Variants in MDGA2 observed in about 807,000 individuals in gnomAD.
The protein encoded by MDGA2 is MAM domain containing glycosylphosphatidylinositol anchor 2.
A neutral mutation model predicts 117.8 loss-of-function variants in MDGA2; 40 were observed. The ratio of observed to expected loss-of-function variants is 0.34; its 90% CI spans 0.26 to 0.44. The LOEUF (loss-of-function observed/expected upper bound fraction) is 0.44. Ranked by LOEUF, MDGA2 falls within the 20% of genes least tolerant of loss-of-function variation. MDGA2 has a pLI of 1.00. For synonymous variants in MDGA2, 452 were observed against 439.0 expected (o/e 1.03, Z -0.37); for missense variants, 1,123 against 1,250.6 (o/e 0.90, Z 1.54).
intron 10 of MDGA2, among the ~76,000 whole-genome samples, chr14:46,900,170 C>T (rs1883230389): frequency 6.6e-6 from 1 of 152,076 alleles, no homozygotes; most frequent in African/African-American, 2.4e-5. Flanking sequence ...TATGACTACA[C>T]ACCTATCAGG....
In MDGA2 at chr14:47,469,615, C is replaced by T. The variant is rs1272981841; in HGVS notation, c.281-168065G>A. On this transcript the variant is annotated intron_variant, in intron 1 of 16. Coordinates refer to ENST00000399232, the MANE Select transcript of MDGA2 (RefSeq NM_001113498.3). ...TGTGAATAGTGCCGCAATAAACATA[C>T]GTGTGCATGTGTCTTTATAGCAGCA... Among the ~76,000 whole-genome samples, 15 of 152,080 alleles carry T rather than the reference C, an allele frequency of 9.9e-5. 1 individual carries two copies. In the East Asian group the frequency reaches 1.4e-3, roughly 14 times the overall value.
chr14:47,604,794 T>C (rs1415048389), intron 1 of MDGA2, among the ~76,000 whole-genome samples: 1 of 152,130 alleles, frequency 6.6e-6, no homozygotes, highest in Non-Finnish European at 1.5e-5. Context: ...AAGACCTCAT[T>C]CTCAACCTTT....
chr14:46,977,716 GATATAAT>G lies in MDGA2; in HGVS notation c.1820-20080_1820-20074del, dbSNP rs1188123812. 1.3e-4 allele frequency among the ~76,000 whole-genome samples: 20 copies of G among 151,944 alleles called. No individual in the cohort carries two copies. The East Asian group carries it at 3.7e-3, about 28-fold the overall frequency. ...GATCATCTTTTATAAACCAGTTACA[GATATAAT>G]ATTGATCAATAACATGGTAGTAAAC... On this transcript the variant is annotated intron_variant, in intron 8 of 16. Transcript: ENST00000399232.
chr14:47,197,268 C>T (rs2139427108), intron 3 of MDGA2, among the ~76,000 whole-genome samples: 1 of 152,112 alleles, frequency 6.6e-6, no homozygotes, highest in African/African-American at 2.4e-5. Context: ...GGAGGTGGAG[C>T]CCTTGGTCAA....
intron 3 of MDGA2, among the ~76,000 whole-genome samples, chr14:47,178,820 G>C (rs1184435751): frequency 2.0e-5 from 3 of 152,116 alleles, no homozygotes; most frequent in Non-Finnish European, 2.9e-5. Flanking sequence ...AAGGAATGTA[G>C]AGAAGGATAC....
intron 2 of MDGA2, among the ~76,000 whole-genome samples, chr14:47,288,574 A>T (rs1888769230): frequency 6.6e-6 from 1 of 152,190 alleles, no homozygotes. Context: ...GCGAGTAAGT[A>T]AACAAGAAGG....
At chr14:46,898,659 T>C (rs543911498) in intron 10 of MDGA2, among the ~76,000 whole-genome samples, 3 of 152,214 alleles carry the variant, frequency 2.0e-5, no homozygotes, top group African/African-American at 7.2e-5. Context: ...CAATCACATA[T>C]TGTGTGTTGG....
chr14:47,177,670 G>T (rs1291915342), intron 3 of MDGA2, among the ~76,000 whole-genome samples: 1 of 152,160 alleles, frequency 6.6e-6, no homozygotes, highest in South Asian at 2.1e-4. Context: ...GCAGTGGGGA[G>T]GGATAGCAGT....
At chr14:47,576,490 AC>A (rs1235781852) in intron 1 of MDGA2, among the ~76,000 whole-genome samples, 2 of 152,288 alleles carry the variant, frequency 1.3e-5, no homozygotes, top group East Asian at 3.9e-4. Flanking sequence ...ATAAAAACAA[AC>A]AGCCATATTT....
intron 1 of MDGA2, among the ~76,000 whole-genome samples, chr14:47,305,605 C>G (rs905567099): frequency 6.6e-6 from 1 of 152,054 alleles, no homozygotes; most frequent in South Asian, 2.1e-4. Flanking sequence ...TGGCAACAAC[C>G]AGGGGCATTT....
At chr14:47,084,498 TA>T (rs35071143) in intron 6 of MDGA2, among the ~76,000 whole-genome samples, 43,256 of 139,598 alleles carry the variant, frequency 0.31, 6,713 homozygotes, top group African/African-American at 0.44. Flanking sequence ...CAGCAAAAAT[TA>T]AAAAAAAAAA....
In MDGA2 at chr14:47,066,950, C is replaced by T. The variant is rs185619697; in HGVS notation, c.1196-5372G>A. The stretch of plus-strand genomic sequence containing the variant: ...CCAACACAGTGAAACCCCATCTCTA[C>T]TAAAAATACAAAAAATTAGCTAGGC... On this transcript the variant is annotated intron_variant, in intron 6 of 16. Coordinates refer to ENST00000399232, the MANE Select transcript of MDGA2 (RefSeq NM_001113498.3). Among the ~76,000 whole-genome samples the T allele has an allele frequency of 9.5e-3, 1,449 of 152,146 alleles. 13 individuals carry two copies. Among genetic ancestry groups the T allele is most frequent in the Non-Finnish European group, 0.015 (1,030 of 67,994 alleles).
chr14:47,180,177 T>C (rs1884642432), intron 3 of MDGA2, among the ~76,000 whole-genome samples: 1 of 152,154 alleles, frequency 6.6e-6, no homozygotes, highest in Non-Finnish European at 1.5e-5. Context: ...GATCCTCTCC[T>C]TCCTCCCACC....
intron 1 of MDGA2, among the ~76,000 whole-genome samples, chr14:47,564,510 G>A (rs892184890): frequency 6.6e-6 from 1 of 152,104 alleles, no homozygotes; most frequent in Non-Finnish European, 1.5e-5. Flanking sequence ...CAAATCTCAG[G>A]AGAATTATTC....
At chr14:47,307,434 A>T (rs555103701) in intron 1 of MDGA2, among the ~76,000 whole-genome samples, 1 of 152,230 alleles carries the variant, frequency 6.6e-6, no homozygotes, top group Admixed American at 6.5e-5. Flanking sequence ...TAATCCCAGG[A>T]CTTTGGGAGT....
At chr14:47,601,555 A>G (rs910248732) in intron 1 of MDGA2, among the ~76,000 whole-genome samples, 1 of 152,156 alleles carries the variant, frequency 6.6e-6, no homozygotes, top group African/African-American at 2.4e-5. Flanking sequence ...AGCTCTATTC[A>G]TTTCCTTTTC....
chr14:47,449,661 C>CA (rs927150039), intron 1 of MDGA2, among the ~76,000 whole-genome samples: 7 of 151,844 alleles, frequency 4.6e-5, no homozygotes, highest in African/African-American at 1.7e-4. Flanking sequence ...ACTAGATAGC[C>CA]AAAAAATAAC....
chr14:46,881,486 A>C (rs745973317), intron 11 of MDGA2, among the ~76,000 whole-genome samples: 3 of 152,156 alleles, frequency 2.0e-5, no homozygotes, highest in Non-Finnish European at 4.4e-5. Flanking sequence ...AAATAACTGT[A>C]ATGTATAATA....
intron 2 of MDGA2, among the ~76,000 whole-genome samples, chr14:47,253,178 C>A (rs1187843554): frequency 6.6e-6 from 1 of 152,114 alleles, no homozygotes; most frequent in Admixed American, 6.5e-5. Flanking sequence ...TATCATTCCA[C>A]CCCTGGCCTC....
Sources: gnomAD v4.1 joint callset for allele counts (sites outside exome capture counted in the v4.1 genomes callset) on GRCh38, gnomAD v4.1.1 for gene constraint, MANE v1.5 for transcripts, NCBI Gene and HGNC (gene_info 2026-07-23, HGNC 2026-07-21) for gene names.